The following SETD3 variants were observed in gnomAD, a reference collection of about 807,000 sequenced individuals.
SETD3 encodes the protein actin-histidine N-methyltransferase.
In SETD3, 19 loss-of-function variants were observed where a neutral mutation model predicts 63.0. The observed-to-expected ratio is 0.30, with a 90% CI of 0.21 to 0.44. The LOEUF is 0.44. SETD3 is among the 20% of genes least tolerant of loss of function. SETD3 has a pLI of 1.00. For synonymous variants in SETD3, 286 were observed against 264.1 expected, an observed-to-expected ratio of 1.08 and a Z score of -0.80; for missense variants, 587 against 728.5, an observed-to-expected ratio of 0.81 and a Z score of 2.24.
chr14:99,480,575 C>T (rs1258080555), intron 1 of SETD3, among the ~76,000 whole-genome samples, 153 bp downstream of exon 1: 1 of 150,738 alleles, frequency 6.6e-6, no homozygotes, highest in Non-Finnish European at 1.5e-5. Flanking sequence ...GCCCCGGGGC[C>T]ACAGCGGCCG....
intron 1 of SETD3, among the ~76,000 whole-genome samples, chr14:99,475,582 T>C (rs1277277367): frequency 6.6e-6 from 1 of 152,186 alleles, no homozygotes; most frequent in Non-Finnish European, 1.5e-5. Flanking sequence ...AGTTTTGTCT[T>C]CTCCAGGCTT....
intron 6 of SETD3, among the ~76,000 whole-genome samples, chr14:99,449,482 T>A (rs1017570602): frequency 1.3e-5 from 2 of 152,210 alleles, no homozygotes; most frequent in African/African-American, 4.8e-5. Context: ...ATGCGTAATT[T>A]CAGTCTACAC....
chr14:99,398,805 T>C lies in SETD3; in HGVS notation c.1659A>G (p.Val553=). ...CATTAGGGATAGAGTTTTCACCGTT[T>C]ACAAGCCCGTTTTCTGTGGCCTTTG... ...SKAKATENGL[V]NGENSIPNGT... The change falls in exon 13 of 13, where the codon GTA becomes GTG. Residue 553 remains valine, a synonymous_variant. Transcript: ENST00000331768. 6.2e-7 allele frequency: 1 copy of C among 1,614,242 alleles called. No individual in the cohort carries two copies. Among genetic ancestry groups the C allele is most frequent in the Non-Finnish European group, 8.5e-7 (1 of 1,180,048 alleles).
chr14:99,458,133 C>T (rs894060936), intron 6 of SETD3, 146 bp downstream of exon 6: 24 of 967,542 alleles, frequency 2.5e-5, no homozygotes, highest in Non-Finnish European at 3.3e-5. Flanking sequence ...TAAAAACAAA[C>T]GATGAAATGT....
intron 8 of SETD3, 33 bp downstream of exon 8, chr14:99,412,918 G>T: frequency 2.1e-6 from 3 of 1,449,496 alleles, no homozygotes; most frequent in Non-Finnish European, 2.9e-6. Flanking sequence ...CAGCCTCCCA[G>T]ATTCAACACA....
chr14:99,434,861 A>AC (rs1566706301), intron 6 of SETD3, among the ~76,000 whole-genome samples: 5 of 148,694 alleles, frequency 3.4e-5, no homozygotes, highest in African/African-American at 1.3e-4. Context: ...AAAAAAAAAA[A>AC]AAAAAAAAAA....
intron 11 of SETD3, among the ~76,000 whole-genome samples, chr14:99,403,702 C>A (rs1891527364): frequency 6.6e-6 from 1 of 152,194 alleles, no homozygotes; most frequent in African/African-American, 2.4e-5. Context: ...ATTTTGTGTT[C>A]TACACAGATT....
rs1461981806 is a variant in SETD3 at position 99,399,032 on chromosome 14, C to T, written c.1432G>A (p.Ala478Thr). The T allele has an allele frequency of 6.2e-7, 1 of 1,614,190 alleles. No homozygotes were observed. Among genetic ancestry groups the T allele is most frequent in the Admixed American group, 1.7e-5 (1 of 60,030 alleles). ...CGGTTGACAGCTGCACTCTTTACTG[C>T]TTTTTCCAAAATCTCTTTCTCACCT... ...RLGEKEILEK[A>T]VKSAAVNREY... is the part of the protein sequence containing the mutation. Residue 478 changes from alanine (A) to threonine (T), a missense_variant, in exon 13 of 13, where the codon GCA (alanine) becomes ACA (threonine). By Grantham distance (58) the Ala-to-Thr change is moderately conservative. Transcript: ENST00000331768.
chr14:99,467,123 A>T lies in SETD3; in HGVS notation c.-8-1310T>A, dbSNP rs577983415. On this transcript the variant is annotated intron_variant, in intron 1 of 12. Transcript: ENST00000331768. Reference sequence around the variant, plus strand: ...ACAGTAGGACATCACATTATTTAACAGGCTAACGTGTGTATCTTCTCTTAT... The same window carrying T: ...ACAGTAGGACATCACATTATTTAACTGGCTAACGTGTGTATCTTCTCTTAT... Among the ~76,000 whole-genome samples the T allele has an allele frequency of 4.6e-5, 7 of 152,366 alleles. No homozygotes were observed. The South Asian group carries it at 1.4e-3, about 32-fold the overall frequency.
intron 8 of SETD3, among the ~76,000 whole-genome samples, chr14:99,409,268 T>C (rs1208967879): frequency 1.3e-5 from 2 of 152,032 alleles, no homozygotes; most frequent in African/African-American, 4.8e-5. Flanking sequence ...TCCCTACCCA[T>C]AGGGACATCT....
intron 6 of SETD3, among the ~76,000 whole-genome samples, chr14:99,456,859 C>A (rs949715496): frequency 5.3e-5 from 8 of 152,286 alleles, no homozygotes; most frequent in African/African-American, 1.7e-4. Flanking sequence ...CACGCCAAGT[C>A]GGTTATCAGA....
rs538814588 is a variant in SETD3 at position 99,429,223 on chromosome 14, A to G, written c.676-15289T>C. Among the ~76,000 whole-genome samples the G allele has an allele frequency of 2.6e-5, 4 of 152,272 alleles. No individual in the cohort carries two copies. In the South Asian group the frequency reaches 6.2e-4, roughly 24 times the overall value. ...CCAGTAAATGTTAGTGCCCTTCTGC[A>G]CTGAACTGTTCTGTTCACAGGAACC... On this transcript the variant is annotated intron_variant, in intron 6 of 12. Transcript: ENST00000331768.
intron 6 of SETD3, among the ~76,000 whole-genome samples, chr14:99,437,872 G>T (rs1427548654): frequency 1.3e-5 from 2 of 152,156 alleles, no homozygotes; most frequent in Admixed American, 1.3e-4. Context: ...ACTTGAGGCA[G>T]TACCTGCATT....
chr14:99,400,206 A>T lies in SETD3; in HGVS notation c.1231T>A (p.Leu411Met). ...GDSAIDRIFT[L>M]GNSEFPVSWD... is the part of the protein sequence containing the mutation. The stretch of plus-strand genomic sequence containing the variant: ...CTAACAGGAAATTCCGAGTTCCCCA[A>T]GGTGAAGATTCTATCAATAGCGCTG... Residue 411 changes from leucine to methionine, a missense_variant, in exon 12 of 13, where the codon TTG (leucine) becomes ATG (methionine). Transcript: ENST00000331768. 6.2e-7 allele frequency: 1 copy of T among 1,614,212 alleles called. No homozygotes were observed. The highest frequency in any genetic ancestry group is 8.5e-7 in the Non-Finnish European group (1 of 1,180,022).
At position 99,400,246 on chromosome 14, in the gene SETD3, T is replaced by C. The variant is rs965730867; in HGVS notation, c.1191A>G (p.Glu397=). ...CAATAGCGCTGTCTCCCAGCAAGTGTTCTTTCAGTTCTTCTACAAGAAATA... is the reference window on the plus strand; with the variant it reads ...CAATAGCGCTGTCTCCCAGCAAGTGCTCTTTCAGTTCTTCTACAAGAAATA... ...VFCMTEEELK[E]HLLGDSAIDR... The change falls in exon 12 of 13, where the codon GAA becomes GAG. Residue 397 remains glutamate (E), a synonymous_variant. Transcript: ENST00000331768. 1 of 1,610,392 alleles carries C rather than the reference T, an allele frequency of 6.2e-7. No individual in the cohort carries two copies.
At chr14:99,418,282 T>A (rs1224420233) in intron 6 of SETD3, among the ~76,000 whole-genome samples, 2 of 152,186 alleles carry the variant, frequency 1.3e-5, no homozygotes, top group Non-Finnish European at 2.9e-5. Context: ...GCCATGCAAT[T>A]AAATTTTTCT....
At chr14:99,407,057 G>C (rs1160380318) in intron 8 of SETD3, among the ~76,000 whole-genome samples, 3 of 152,164 alleles carry the variant, frequency 2.0e-5, no homozygotes, top group African/African-American at 7.2e-5. Context: ...ATTGGATAAA[G>C]AATCAGGGAA....
chr14:99,453,202 G>C (rs1894561574), intron 6 of SETD3, among the ~76,000 whole-genome samples: 1 of 152,162 alleles, frequency 6.6e-6, no homozygotes, highest in Non-Finnish European at 1.5e-5. Flanking sequence ...GAAAAGCATG[G>C]GAAAGATACA....
In SETD3 at chr14:99,458,318, G is replaced by A. The variant is rs769192938; in HGVS notation, c.636C>T (p.Asn212=). The part of the protein sequence containing the change: ...AIHDVFSQYK[N]TARQYAYFYK... ...AGAAGTAGGCGTACTGTCGAGCTGT[G>A]TTTTTATACTGGCTGAAGACATCAT... The change falls in exon 6 of 13, where the codon AAC becomes AAT. Residue 212 remains asparagine (N), a synonymous_variant. Transcript: ENST00000331768. 4 of 1,614,160 alleles carry A rather than the reference G, an allele frequency of 2.5e-6. No homozygotes were observed. In the South Asian group the frequency reaches 4.4e-5, roughly 18 times the overall value.
Sources: gnomAD v4.1 joint callset for allele counts (sites outside exome capture counted in the v4.1 genomes callset) on GRCh38, gnomAD v4.1.1 for gene constraint, MANE v1.5 for transcripts, NCBI Gene and HGNC (gene_info 2026-07-23, HGNC 2026-07-21) for gene names.